The following MEMO1 variants were observed in gnomAD, a reference collection of about 807,000 sequenced individuals.
MEMO1 encodes the protein mediator of cell motility 1, also known as protein MEMO1.
MEMO1 carries 6 observed loss-of-function variants against 45.2 expected under a neutral mutation model. That is an observed-to-expected ratio of 0.13 (90% CI 0.07 to 0.26). The LOEUF is 0.26. MEMO1 is among the 10% of genes least tolerant of loss of function. The pLI, the probability that MEMO1 is intolerant of heterozygous loss-of-function variation, is 1.00. For missense variants in MEMO1, 184 were observed against 370.5 expected (o/e 0.50, Z 4.13); for synonymous variants, 78 against 124.3 (o/e 0.63, Z 2.48).
At chr2:31,992,781 C>T (rs1672107674) in intron 2 of MEMO1, among the ~76,000 whole-genome samples, 1 of 151,388 alleles carries the variant, frequency 6.6e-6, no homozygotes, top group Non-Finnish European at 1.5e-5. Context: ...GAGACTCCGT[C>T]TCAAATTTAA....
At chr2:31,930,369 G>A (rs981576207) in intron 4 of MEMO1, among the ~76,000 whole-genome samples, 10 of 151,932 alleles carry the variant, frequency 6.6e-5, no homozygotes, top group East Asian at 1.9e-4. Context: ...AGTCCTTGGC[G>A]CTCTTCCATT....
intron 6 of MEMO1, among the ~76,000 whole-genome samples, chr2:31,897,931 G>A (rs558113829): frequency 7.6e-4 from 115 of 151,926 alleles, no homozygotes; most frequent in African/African-American, 2.7e-3. Flanking sequence ...ACTTCTTCCT[G>A]GTTTAGTCTT....
chr2:32,000,834 C>A (rs865942342), intron 2 of MEMO1, among the ~76,000 whole-genome samples: 2 of 151,366 alleles, frequency 1.3e-5, no homozygotes, highest in Non-Finnish European at 2.9e-5. Context: ...GTCCTGAGAA[C>A]ATGCACCCAA....
chr2:31,968,265 G>A (rs997170670), intron 2 of MEMO1, among the ~76,000 whole-genome samples: 1 of 152,210 alleles, frequency 6.6e-6, no homozygotes, highest in Non-Finnish European at 1.5e-5. Context: ...AAAATGCTTT[G>A]TAGGGGAAAT....
intron 2 of MEMO1, among the ~76,000 whole-genome samples, chr2:32,008,413 T>A (rs931740215): frequency 6.6e-6 from 1 of 152,100 alleles, no homozygotes; most frequent in Non-Finnish European, 1.5e-5. Context: ...GTGAAACCTG[T>A]CTCTACTAAA....
At chr2:31,993,626 G>A (rs970955078) in intron 2 of MEMO1, among the ~76,000 whole-genome samples, 2 of 152,114 alleles carry the variant, frequency 1.3e-5, no homozygotes, top group Non-Finnish European at 2.9e-5. Flanking sequence ...CAGGTTTTTG[G>A]TTTAATACCA....
At chr2:31,947,637 G>C (rs1290239986) in intron 2 of MEMO1, among the ~76,000 whole-genome samples, 2 of 152,018 alleles carry the variant, frequency 1.3e-5, no homozygotes, top group Non-Finnish European at 2.9e-5. Context: ...TTACTTTTTT[G>C]GATACAACAG....
chr2:32,003,226 T>C (rs1445450441), intron 2 of MEMO1, among the ~76,000 whole-genome samples: 1 of 152,168 alleles, frequency 6.6e-6, no homozygotes, highest in Admixed American at 6.5e-5. Context: ...CCTGATATAA[T>C]TTTATCAATT....
intron 2 of MEMO1, among the ~76,000 whole-genome samples, chr2:31,998,750 A>C (rs1463623697): frequency 6.6e-6 from 1 of 151,888 alleles, no homozygotes; most frequent in East Asian, 1.9e-4. Flanking sequence ...CAGTGAGTAG[A>C]GATCATGCCA....
At chr2:31,953,975 G>C (rs565798715) in intron 2 of MEMO1, among the ~76,000 whole-genome samples, 1 of 152,132 alleles carries the variant, frequency 6.6e-6, no homozygotes, top group Non-Finnish European at 1.5e-5. Context: ...TAAATATTCT[G>C]ATTTTTTAAA....
intron 7 of MEMO1, among the ~76,000 whole-genome samples, chr2:31,891,557 G>GA (rs563528627): frequency 0.011 from 1,616 of 141,666 alleles, 14 homozygotes; most frequent in Admixed American, 0.018. Flanking sequence ...CACCAAAGGG[G>GA]AAAAAAAAAA....
chr2:31,941,613 CTAAA>C (rs796523555), intron 3 of MEMO1, among the ~76,000 whole-genome samples: 96 of 152,286 alleles, frequency 6.3e-4, no homozygotes, highest in African/African-American at 2.2e-3. Flanking sequence ...ATGTAAATGA[CTAAA>C]TAAATAGTAG....
rs2147856727 is a variant in MEMO1, at chr2:31,868,436, A to G, written c.819T>C (p.Tyr273=). ...GMNMSFSFLN[Y]AQSSQCRNWQ... is the part of the protein sequence containing the mutation. ...AGTTTCTACACTGGCTCGACTGGGC[A>G]TAATTCAAAAACGAAAAACTCATAT... is the stretch of plus-strand genomic sequence containing the variant. Residue 273 remains tyrosine, a synonymous_variant, in exon 10 of 10, where the codon TAT becomes TAC. Transcript: ENST00000404530. The G allele has an allele frequency of 1.2e-6, 2 of 1,603,786 alleles. No individual in the cohort carries two copies. The highest frequency in any genetic ancestry group is 1.7e-6 in the Non-Finnish European group (2 of 1,175,502).
At chr2:31,978,914 G>C (rs1024171122) in intron 2 of MEMO1, among the ~76,000 whole-genome samples, 2 of 151,906 alleles carry the variant, frequency 1.3e-5, no homozygotes, top group African/African-American at 4.8e-5. Context: ...TTTGCCTATG[G>C]AATCACATTT....
intron 2 of MEMO1, among the ~76,000 whole-genome samples, chr2:31,964,205 G>A (rs1038632632): frequency 2.6e-5 from 4 of 151,760 alleles, no homozygotes; most frequent in African/African-American, 9.7e-5. Context: ...ATGTCTGAAA[G>A]TCAAAACCCA....
intron 6 of MEMO1, among the ~76,000 whole-genome samples, chr2:31,917,005 G>A (rs1044385200): frequency 1.3e-5 from 2 of 152,096 alleles, no homozygotes; most frequent in African/African-American, 4.8e-5. Context: ...TTATGAAAAG[G>A]CCTTGGGCTT....
chr2:31,938,173 T>C (rs532809462), intron 3 of MEMO1, among the ~76,000 whole-genome samples: 212 of 152,290 alleles, frequency 1.4e-3, no homozygotes, highest in African/African-American at 5.0e-3. Context: ...GACAGGTCAA[T>C]ATTTATTCTT....
chr2:31,963,375 G>A, intron 2 of MEMO1: 3 of 1,149,490 alleles, frequency 2.6e-6, no homozygotes, highest in Non-Finnish European at 3.3e-6. Context: ...TTTCTCTGAA[G>A]GACACTGACT....
intron 3 of MEMO1, among the ~76,000 whole-genome samples, chr2:31,936,844 G>C (rs763638724): frequency 6.6e-6 from 1 of 152,108 alleles, no homozygotes; most frequent in Non-Finnish European, 1.5e-5. Context: ...AACAAAGTCA[G>C]GTCCAATAGT....
Sources: gnomAD v4.1 joint callset for allele counts (sites outside exome capture counted in the v4.1 genomes callset) on GRCh38, gnomAD v4.1.1 for gene constraint, MANE v1.5 for transcripts, NCBI Gene and HGNC (gene_info 2026-07-23, HGNC 2026-07-21) for gene names.